The following CDH2 variants were observed in gnomAD, a reference collection of about 807,000 sequenced individuals.
CDH2 encodes cadherin 2.
In CDH2, 17 loss-of-function variants were observed where a neutral mutation model predicts 92.0. That is an observed-to-expected ratio of 0.18 (90% CI 0.13 to 0.28). The LOEUF (loss-of-function observed/expected upper bound fraction) is 0.28, where lower values mean the gene tolerates loss of function less well. CDH2 is among the 10% of genes least tolerant of loss of function. The probability of loss-of-function intolerance (pLI) is 1.00; values close to 1 mark genes in which losing one functional copy is unlikely to be tolerated. For missense variants in CDH2, 862 were observed against 1,133.1 expected, an observed-to-expected ratio of 0.76 and a Z score of 3.44; for synonymous variants, 419 against 415.9, an observed-to-expected ratio of 1.01 and a Z score of -0.09.
chr18:27,986,147 G>T (rs1226048959), intron 11 of CDH2, among the ~76,000 whole-genome samples: 1 of 152,088 alleles, frequency 6.6e-6, no homozygotes, highest in Non-Finnish European at 1.5e-5. Context: ...TTCTTTTTAT[G>T]GAGAACCAAG....
intron 2 of CDH2, among the ~76,000 whole-genome samples, chr18:28,074,946 G>T (rs2014691372): frequency 6.6e-6 from 1 of 152,002 alleles, no homozygotes; most frequent in Non-Finnish European, 1.5e-5. Flanking sequence ...ATTGGAAAGG[G>T]AATCATATAT....
chr18:28,062,199 A>G (rs1473210160), intron 2 of CDH2, among the ~76,000 whole-genome samples: 6 of 152,320 alleles, frequency 3.9e-5, no homozygotes, highest in Non-Finnish European at 5.9e-5. Context: ...GAGGTATTTA[A>G]TATTTTTCTA....
intron 2 of CDH2, among the ~76,000 whole-genome samples, chr18:28,029,416 T>G (rs1299403265): frequency 1.3e-5 from 2 of 152,082 alleles, no homozygotes; most frequent in Non-Finnish European, 2.9e-5. Flanking sequence ...TTTATTAGTG[T>G]CCACAACTGC....
intron 2 of CDH2, among the ~76,000 whole-genome samples, chr18:28,016,645 T>C (rs1599035985): frequency 6.6e-6 from 1 of 152,166 alleles, no homozygotes; most frequent in Admixed American, 6.5e-5. Flanking sequence ...CTTCAAGTCA[T>C]CTATGCACAT....
At chr18:28,118,964 T>C (rs967129472) in intron 2 of CDH2, among the ~76,000 whole-genome samples, 13 of 152,086 alleles carry the variant, frequency 8.5e-5, no homozygotes, top group Non-Finnish European at 1.3e-4. Context: ...ATAAAGTTAT[T>C]TTCCTTGCTC....
chr18:28,163,324 C>T (rs1182788583), intron 1 of CDH2, among the ~76,000 whole-genome samples: 1 of 152,180 alleles, frequency 6.6e-6, no homozygotes, highest in Non-Finnish European at 1.5e-5. Context: ...ATGATGAAAA[C>T]ATGCATACCT....
At chr18:28,123,091 C>A (rs576343334) in intron 2 of CDH2, among the ~76,000 whole-genome samples, 1 of 152,036 alleles carries the variant, frequency 6.6e-6, no homozygotes, top group South Asian at 2.1e-4. Flanking sequence ...TATCTTGATA[C>A]AAGTGTTAGA....
chr18:28,094,709 G>A (rs1462399595), intron 2 of CDH2, among the ~76,000 whole-genome samples: 2 of 148,226 alleles, frequency 1.3e-5, no homozygotes, highest in Non-Finnish European at 3.0e-5. Flanking sequence ...CAGGAGAATG[G>A]CGTGAACCCG....
chr18:28,106,156 C>T (rs577329502), intron 2 of CDH2, among the ~76,000 whole-genome samples: 8 of 152,324 alleles, frequency 5.3e-5, no homozygotes, highest in Non-Finnish European at 8.8e-5. Flanking sequence ...GTGGCTTACA[C>T]CTATAATCCC....
intron 5 of CDH2, among the ~76,000 whole-genome samples, chr18:28,008,126 C>T (rs2012992490): frequency 6.6e-6 from 1 of 152,176 alleles, no homozygotes; most frequent in Admixed American, 6.5e-5. Context: ...GTTTTAACCA[C>T]AGGAATTCAG....
intron 14 of CDH2, among the ~76,000 whole-genome samples, chr18:27,978,280 A>C (rs1020948802): frequency 1.7e-4 from 26 of 152,196 alleles, no homozygotes; most frequent in African/African-American, 6.0e-4. Context: ...ATAGTCAGAA[A>C]ACTTACCCTA....
intron 9 of CDH2, among the ~76,000 whole-genome samples, chr18:27,992,305 G>A (rs893574264): frequency 1.3e-5 from 2 of 152,100 alleles, no homozygotes; most frequent in East Asian, 3.9e-4. Context: ...AGTTAATGTT[G>A]TTCAGGCCAG....
intron 2 of CDH2, among the ~76,000 whole-genome samples, chr18:28,079,682 C>G (rs965095213): frequency 1.3e-5 from 2 of 152,192 alleles, no homozygotes; most frequent in Non-Finnish European, 2.9e-5. Flanking sequence ...AGCCAACAAG[C>G]CCCTGAGAAG....
At position 27,952,244 on chromosome 18, in the gene CDH2, C is replaced by G. The variant is rs138164198; in HGVS notation, c.2630G>C (p.Ser877Thr). ...ATCATAGTCCTGCTCACCACCACTACTTGAGGAATTAAGGGAGCTCAAGGA... is the reference window on the plus strand; with the variant it reads ...ATCATAGTCCTGCTCACCACCACTAGTTGAGGAATTAAGGGAGCTCAAGGA... ...AGSLSSLNSS[S>T]SGGEQDYDYL... The change falls in exon 16 of 16, where the codon AGT becomes ACT. Residue 877 changes from serine to threonine, a missense_variant. Coordinates refer to ENST00000269141, the MANE Select transcript of CDH2 (RefSeq NM_001792.5). 2.3e-5 allele frequency: 37 copies of G among 1,613,506 alleles called. No homozygotes were observed. In the Middle Eastern group the frequency reaches 4.9e-4, roughly 22 times the overall value.
rs544184125 is a variant in CDH2 at position 28,142,113 on chromosome 18, G to T, written c.172+5560C>A. ...GTTTCTTTTCTACTTCCTACTAGACGTTTACTAGAGAAAGCCTAAAAGGAT... is the reference window on the plus strand; with the variant it reads ...GTTTCTTTTCTACTTCCTACTAGACTTTTACTAGAGAAAGCCTAAAAGGAT... On this transcript the variant is annotated intron_variant, in intron 2 of 15. Transcript: ENST00000269141. Among the ~76,000 whole-genome samples, 5 of 151,930 alleles carry T rather than the reference G, an allele frequency of 3.3e-5. No individual in the cohort carries two copies. The East Asian group carries it at 9.7e-4, about 29-fold the overall frequency.
chr18:28,008,194 A>C (rs2012994195), intron 5 of CDH2, among the ~76,000 whole-genome samples: 1 of 152,224 alleles, frequency 6.6e-6, no homozygotes, highest in Non-Finnish European at 1.5e-5. Flanking sequence ...TCTTATTTAT[A>C]TTCATAAATT....
chr18:28,032,233 A>G (rs568551229), intron 2 of CDH2, among the ~76,000 whole-genome samples: 1 of 152,098 alleles, frequency 6.6e-6, no homozygotes, highest in Admixed American at 6.6e-5. Flanking sequence ...ATACAAAACC[A>G]ACAACAACAG....
intron 1 of CDH2, among the ~76,000 whole-genome samples, chr18:28,164,084 C>T (rs1274853796): frequency 6.6e-6 from 1 of 152,098 alleles, no homozygotes; most frequent in Non-Finnish European, 1.5e-5. Flanking sequence ...ATATCGTATC[C>T]TCATATCACA....
At chr18:28,089,549 G>A (rs991476799) in intron 2 of CDH2, among the ~76,000 whole-genome samples, 36 of 152,006 alleles carry the variant, frequency 2.4e-4, no homozygotes, top group African/African-American at 8.0e-4. Context: ...TAAATTGATA[G>A]TCTGTAAATA....
Sources: allele counts gnomAD v4.1 joint callset (sites outside exome capture counted in the v4.1 genomes callset), GRCh38; gene constraint gnomAD v4.1.1; transcripts MANE v1.5; gene names NCBI Gene and HGNC (gene_info 2026-07-23, HGNC 2026-07-21).